The following AASDH variants were observed in gnomAD, a reference collection of about 807,000 sequenced individuals.
AASDH encodes the protein aminoadipate-semialdehyde dehydrogenase.
In AASDH, 81 loss-of-function variants were observed where a neutral mutation model predicts 102.3. The observed-to-expected ratio is 0.79, with a 90% confidence interval of 0.66 to 0.95. The LOEUF is 0.95. AASDH is among the 40% of genes least tolerant of loss of function. The probability of loss-of-function intolerance (pLI) is 0.00; values close to 1 mark genes in which losing one functional copy is unlikely to be tolerated. For synonymous variants in AASDH, 398 were observed against 454.0 expected, an observed-to-expected ratio of 0.88 and a Z score of 1.57; for missense variants, 1,203 against 1,266.2, an observed-to-expected ratio of 0.95 and a Z score of 0.76.
In AASDH at chr4:56,378,316, A is replaced by C. The variant is rs752652071; in HGVS notation, c.500T>G (p.Ile167Arg). The change falls in exon 4 of 15, where the codon ATA becomes AGA. Residue 167 changes from isoleucine to arginine, a missense_variant. By Grantham distance (97) the Ile-to-Arg change is moderately conservative. Coordinates refer to ENST00000205214, the MANE Select transcript of AASDH (RefSeq NM_181806.4). ...GACATGCTCAGAACTTATGCTTTTT[A>C]TTTTTTCTTTTTCATATTTCTCTTT... is the stretch of plus-strand genomic sequence containing the variant. ...DGKEKYEKEK[I>R]KSISSEHVNE... is the part of the protein sequence containing the mutation. 31 of 1,613,750 alleles carry C rather than the reference A, an allele frequency of 1.9e-5. No individual in the cohort carries two copies. The highest frequency in any genetic ancestry group is 8.9e-5 in the East Asian group (4 of 44,890).
intron 2 of AASDH, 110 bp from the exon 3 acceptor site, chr4:56,382,707 G>T: frequency 8.0e-7 from 1 of 1,249,336 alleles, no homozygotes; most frequent in Admixed American, 2.8e-5. Context: ...GCATAAAAAT[G>T]GTTTCCGGAG....
At chr4:56,381,683 G>C (rs1278970608) in intron 3 of AASDH, 2 of 78,204 alleles carry the variant, frequency 2.6e-5, no homozygotes, top group Non-Finnish European at 5.6e-5. Flanking sequence ...ACACAGTTGG[G>C]GGGGGTGAAA....
At chr4:56,362,557 G>C (rs905826128) in intron 5 of AASDH, among the ~76,000 whole-genome samples, 2 of 152,148 alleles carry the variant, frequency 1.3e-5, no homozygotes, top group African/African-American at 2.4e-5. Context: ...GAGCCACCGT[G>C]CCTGGCCTTG....
chr4:56,384,815 T>G (rs1753366184), intron 1 of AASDH, among the ~76,000 whole-genome samples: 1 of 152,238 alleles, frequency 6.6e-6, no homozygotes, highest in African/African-American at 2.4e-5. Context: ...GGCTCACACC[T>G]GTAATCCCAG....
chr4:56,353,356 A>T, intron 9 of AASDH, 48 bp downstream of exon 9: 1 of 1,407,478 alleles, frequency 7.1e-7, no homozygotes, highest in Non-Finnish European at 9.7e-7. Flanking sequence ...TTATGAATAC[A>T]ATTAGTATTA....
chr4:56,362,525 A>C (rs1750430229), intron 5 of AASDH, among the ~76,000 whole-genome samples: 1 of 152,112 alleles, frequency 6.6e-6, no homozygotes, highest in South Asian at 2.1e-4. Flanking sequence ...TTGGCCTCTC[A>C]AAGTGCTGGG....
chr4:56,363,707 C>A (rs1227911912), intron 5 of AASDH, among the ~76,000 whole-genome samples: 1 of 152,072 alleles, frequency 6.6e-6, no homozygotes, highest in Non-Finnish European at 1.5e-5. Context: ...ACATCCACAC[C>A]AGAAACCCAT....
rs574785970 is a variant in AASDH, at chr4:56,375,554, T to C, written c.668+2594A>G. 2.0e-5 allele frequency among the ~76,000 whole-genome samples: 3 copies of C among 152,272 alleles called. No individual in the cohort carries two copies. In the South Asian group the frequency reaches 6.2e-4, roughly 32 times the overall value. ...AATAGGTATCAAGAAATTTGTATAATTTAGTCATAAATCAACCCTTCACCC... is the reference window on the plus strand; with the variant it reads ...AATAGGTATCAAGAAATTTGTATAACTTAGTCATAAATCAACCCTTCACCC... On this transcript the variant is annotated intron_variant, in intron 4 of 14. Transcript: ENST00000205214.
Position 56,384,348 on chromosome 4 carries a change from A to G in AASDH, c.-42-7T>C. On this transcript the variant is annotated splice_region_variant and splice_polypyrimidine_tract_variant and intron_variant, in intron 1 of 14. Coordinates refer to ENST00000205214, the MANE Select transcript of AASDH (RefSeq NM_181806.4). Reference sequence around the variant, plus strand: ...CAATTTGTAGCACAGAACCCTGTGTATATACAGAAGTGTTAGGGGGAGAGG... The same window carrying G: ...CAATTTGTAGCACAGAACCCTGTGTGTATACAGAAGTGTTAGGGGGAGAGG... The G allele has an allele frequency of 6.4e-7, 1 of 1,558,080 alleles. No homozygotes were observed.
chr4:56,355,051 C>T, intron 6 of AASDH, 131 bp downstream of exon 6: 1 of 1,206,616 alleles, frequency 8.3e-7, no homozygotes, highest in Non-Finnish European at 1.1e-6. Flanking sequence ...TTCTGGATTC[C>T]CAACTTAAAA....
intron 14 of AASDH, among the ~76,000 whole-genome samples, chr4:56,340,201 T>A (rs539043400): frequency 6.6e-6 from 1 of 152,138 alleles, no homozygotes; most frequent in South Asian, 2.1e-4. Flanking sequence ...AAAATTCATA[T>A]GGAACCAAAA....
intron 3 of AASDH, 83 bp from the exon 4 acceptor site, chr4:56,378,547 T>G: frequency 8.4e-7 from 1 of 1,191,636 alleles, no homozygotes; most frequent in Non-Finnish European, 1.2e-6. Flanking sequence ...TGAAATACAG[T>G]CATCCCTCAG....
chr4:56,387,441 G>A lies in AASDH; in HGVS notation c.-122C>T, dbSNP rs59977073. 2 of 152,372 alleles carry A rather than the reference G, an allele frequency of 1.3e-5. No homozygotes were observed. The highest frequency in any genetic ancestry group is 4.8e-5 in the African/African-American group (2 of 41,570). 9.4% of individuals were successfully genotyped at this position (152,372 alleles called of 1,614,324 possible). ...CGTCGCGGATACTTCTCACAGCGAA[G>A]CAGCAGCTCCCAGAAGCCGTAAAGC... On this transcript the variant is annotated 5_prime_UTR_variant, in exon 1 of 15. Transcript: ENST00000205214.
chr4:56,359,093 T>G (rs567472850), intron 5 of AASDH, among the ~76,000 whole-genome samples: 25 of 144,306 alleles, frequency 1.7e-4, no homozygotes, highest in Admixed American at 1.5e-3. Context: ...CTTGCTTTTT[T>G]TTGTTGTTGT....
chr4:56,356,145 G>A, intron 5 of AASDH: 1 of 660,316 alleles, frequency 1.5e-6, no homozygotes. Flanking sequence ...ATGCCAAAAG[G>A]AAAGGCCAAG....
At chr4:56,344,727 T>C (rs1381029130) in intron 12 of AASDH, among the ~76,000 whole-genome samples, 6 of 152,144 alleles carry the variant, frequency 3.9e-5, no homozygotes, top group African/African-American at 1.4e-4. Flanking sequence ...GTAGCACACT[T>C]ATTTGTGGTA....
intron 3 of AASDH, among the ~76,000 whole-genome samples, chr4:56,378,788 T>G (rs1263419567): frequency 6.6e-6 from 1 of 151,568 alleles, no homozygotes; most frequent in Non-Finnish European, 1.5e-5. Flanking sequence ...GCACTGGGTT[T>G]TTTTTTTTTT....
At chr4:56,364,307 A>C (rs7659061) in intron 5 of AASDH, among the ~76,000 whole-genome samples, 96,515 of 151,922 alleles carry the variant, frequency 0.64, 30,758 homozygotes, top group Admixed American at 0.71. Context: ...GGATATTATC[A>C]AGGAGAACTT....
chr4:56,356,877 C>T, intron 5 of AASDH: 1 of 964,148 alleles, frequency 1.0e-6, no homozygotes, highest in East Asian at 2.5e-5. Context: ...CTGTGGCTCG[C>T]ATCGCCAAGC....
Sources: gnomAD v4.1 joint callset for allele counts (sites outside exome capture counted in the v4.1 genomes callset) on GRCh38, gnomAD v4.1.1 for gene constraint, MANE v1.5 for transcripts, NCBI Gene and HGNC (gene_info 2026-07-23, HGNC 2026-07-21) for gene names.